Variants in NAV1 observed in about 807,000 individuals in gnomAD.
NAV1 encodes pore membrane and/or filament interacting like protein 3.
Under a neutral mutation model 175.2 loss-of-function variants are expected in NAV1, and 18 were observed. The ratio of observed to expected loss-of-function variants is 0.10; its 90% confidence interval spans 0.07 to 0.15. The LOEUF (loss-of-function observed/expected upper bound fraction) is 0.15, where lower values mean the gene tolerates loss of function less well. Among genes scored for constraint, NAV1 ranks in the 10% least tolerant of loss-of-function variants. The probability of loss-of-function intolerance (pLI) is 1.00; values close to 1 mark genes in which losing one functional copy is unlikely to be tolerated. For missense variants in NAV1, 1,731 were observed against 2,436.6 expected, an observed-to-expected ratio of 0.71 and a Z score of 6.10; for synonymous variants, 897 against 978.7, an observed-to-expected ratio of 0.92 and a Z score of 1.56.
At chr1:201,590,627 C>G (rs931379547) in intron 2 of NAV1, among the ~76,000 whole-genome samples, 2 of 152,224 alleles carry the variant, frequency 1.3e-5, no homozygotes, top group African/African-American at 4.8e-5. Context: ...CCAGGCCCAG[C>G]TGAGGAAGGG....
chr1:201,775,587 G>A (rs759719567), intron 3 of NAV1, among the ~76,000 whole-genome samples: 41 of 152,078 alleles, frequency 2.7e-4, no homozygotes, highest in Non-Finnish European at 5.6e-4. Flanking sequence ...ACGAAGTCCC[G>A]CCAGTACAAA....
chr1:201,654,243 A>C (rs999816941), intron 1 of NAV1, among the ~76,000 whole-genome samples: 2 of 152,200 alleles, frequency 1.3e-5, no homozygotes, highest in Non-Finnish European at 2.9e-5. Flanking sequence ...CTCTAACCCC[A>C]GGCCACAGGC....
rs115431615 is a variant in NAV1, at chr1:201,684,293, T to C, written c.758-28524T>C. 3.9e-3 allele frequency among the ~76,000 whole-genome samples: 592 copies of C among 152,198 alleles called. 5 individuals carry two copies. Among genetic ancestry groups the C allele is most frequent in the African/African-American group, 0.014 (579 of 41,518 alleles). On this transcript the variant is annotated intron_variant, in intron 1 of 29. Coordinates refer to ENST00000367296, the Ensembl canonical transcript of NAV1. Reference sequence around the variant, plus strand: ...TGCCTATTGCTATCACTGTGGTGCATAGACCTAGGAATATATGTGTTTATA... The same window carrying C: ...TGCCTATTGCTATCACTGTGGTGCACAGACCTAGGAATATATGTGTTTATA...
intron 1 of NAV1, among the ~76,000 whole-genome samples, chr1:201,555,543 A>G (rs1224679624): frequency 6.6e-6 from 1 of 152,040 alleles, no homozygotes; most frequent in Non-Finnish European, 1.5e-5. Context: ...GGGGATCAGA[A>G]GCTTCCTCTA....
chr1:201,782,889 G>T lies in NAV1; in HGVS notation c.2357+20G>T. The T allele has an allele frequency of 2.6e-6, 4 of 1,541,074 alleles. No homozygotes were observed. Among genetic ancestry groups the T allele is most frequent in the Non-Finnish European group, 3.5e-6 (4 of 1,143,466 alleles). ...TCTCAGGTACCCAATGTGGGCAGCC[G>T]CCTCCTTGTCTGTTTGCTTTGTCAT... is the stretch of plus-strand genomic sequence containing the variant. On this transcript the variant is annotated intron_variant, in intron 6 of 29. Coordinates refer to ENST00000367296, the Ensembl canonical transcript of NAV1. This position sits in a 1 kb window ranked among gnomAD's most constrained non-coding sequence, Gnocchi z 5.4.
At chr1:201,707,508 G>A (rs781161060) in intron 1 of NAV1, among the ~76,000 whole-genome samples, 24 of 152,236 alleles carry the variant, frequency 1.6e-4, no homozygotes, top group Non-Finnish European at 2.5e-4. Context: ...GAAGGGGGCA[G>A]TACCAGGACC....
intron 1 of NAV1, among the ~76,000 whole-genome samples, chr1:201,696,893 C>T (rs542473199): frequency 6.6e-5 from 10 of 152,328 alleles, no homozygotes; most frequent in African/African-American, 1.7e-4. Flanking sequence ...ATTCGTGTTT[C>T]GCACCATGCC....
intron 1 of NAV1, among the ~76,000 whole-genome samples, chr1:201,704,320 T>A (rs560935): frequency 6.6e-6 from 1 of 152,212 alleles, no homozygotes; most frequent in Non-Finnish European, 1.5e-5. Flanking sequence ...CGAGACGCTG[T>A]CCACCTCGCT....
At chr1:201,602,651 GTTT>G (rs375268009) in intron 2 of NAV1, among the ~76,000 whole-genome samples, 1 of 112,752 alleles carries the variant, frequency 8.9e-6, no homozygotes, top group Admixed American at 9.4e-5. Context: ...TTTTTTTTTG[GTTT>G]TTTTTTTTTT....
At chr1:201,700,282 A>G (rs1671358918) in intron 1 of NAV1, among the ~76,000 whole-genome samples, 1 of 152,244 alleles carries the variant, frequency 6.6e-6, no homozygotes, top group Non-Finnish European at 1.5e-5. Flanking sequence ...AAAGGATATG[A>G]ACAGACACTT....
At chr1:201,713,626 G>A (rs1672004645) in intron 2 of NAV1, among the ~76,000 whole-genome samples, 1 of 152,224 alleles carries the variant, frequency 6.6e-6, no homozygotes, top group African/African-American at 2.4e-5. Context: ...ATGAGCTCAT[G>A]CTGTCAGCTC....
rs377039916 is a variant in NAV1, at chr1:201,804,579, T to TAAA, written c.3648+103_3648+105dup. 667 of 356,782 alleles carry TAAA rather than the reference T, an allele frequency of 1.9e-3. 2 individuals are homozygous for TAAA. The highest frequency in any genetic ancestry group is 5.4e-3 in the African/African-American group (146 of 27,090). The allele number at this position is 356,782 out of a possible 1,614,324, so 22.1% of individuals were successfully genotyped here. On this transcript the variant is annotated intron_variant, in intron 17 of 29. Coordinates refer to ENST00000367296, the Ensembl canonical transcript of NAV1. ...TATTTCCAGAGCAACTCCCTTCCCC[T>TAAA]AAAAAAAAAAAAAAAAAAAAAAATG...
intron 1 of NAV1, among the ~76,000 whole-genome samples, chr1:201,708,274 G>A (rs935137879): frequency 6.6e-6 from 1 of 152,108 alleles, no homozygotes; most frequent in Non-Finnish European, 1.5e-5. Context: ...TCTGTTCTGA[G>A]CCTGAGTAGC....
At chr1:201,796,777 G>C (rs973021216) in intron 15 of NAV1, 1 of 152,142 alleles carries the variant, frequency 6.6e-6, no homozygotes, top group Non-Finnish European at 1.5e-5. Context: ...TTTGCTATTT[G>C]TATGTCTTTA....
intron 3 of NAV1, among the ~76,000 whole-genome samples, chr1:201,736,909 C>G (rs2102540264): frequency 6.6e-6 from 1 of 152,110 alleles, no homozygotes; most frequent in Admixed American, 6.5e-5. Flanking sequence ...TACCATGTGT[C>G]CCTCCGCTGC....
Position 201,782,287 on chromosome 1 carries a change from C to T in NAV1, c.1775C>T (p.Pro592Leu). The stretch of plus-strand genomic sequence containing the variant: ...GACCGCCTGAGTGATGCTAAGAAGC[C>T]CCCCTCGGGCATTGCTCGCCCCTCC... The change falls in exon 6 of 30, where the codon CCC becomes CTC. Residue 592 changes from proline to leucine, a missense_variant. This residue lies in a region of NAV1 where 634 missense variants were observed against 766.8 expected (regional missense o/e 0.83). Transcript: ENST00000367296. The surrounding 1 kb of genome is among the most constrained non-coding windows in gnomAD (Gnocchi z 5.4). The T allele has an allele frequency of 6.2e-7, 1 of 1,614,164 alleles. No individual in the cohort carries two copies. Among genetic ancestry groups the T allele is most frequent in the Middle Eastern group, 1.6e-4 (1 of 6,062 alleles).
rs749357939 is a variant in NAV1 at position 201,577,865 on chromosome 1, T to C, written c.-143-10674T>C. Among the ~76,000 whole-genome samples the C allele has an allele frequency of 9.2e-5, 14 of 152,216 alleles. 1 individual carries two copies. The highest frequency in any genetic ancestry group is 2.1e-4 in the Non-Finnish European group (14 of 68,036). On this transcript the variant is annotated intron_variant, in intron 1 of 33. Coordinates refer to the NAV1 transcript ENST00000685211. The stretch of plus-strand genomic sequence containing the variant: ...CCGTGGTTTCCAATGAGAAATCTAC[T>C]GTCATTTGAACCCTTTCCACCTGTA...
intron 3 of NAV1, among the ~76,000 whole-genome samples, chr1:201,745,679 A>G (rs2102575200): frequency 6.6e-6 from 1 of 152,308 alleles, no homozygotes; most frequent in East Asian, 1.9e-4. Flanking sequence ...CTGGCTGGCT[A>G]TACAGCCACT....
At chr1:201,542,123 C>T (rs1006324241) in intron 1 of NAV1, among the ~76,000 whole-genome samples, 4 of 152,216 alleles carry the variant, frequency 2.6e-5, no homozygotes, top group African/African-American at 9.7e-5. Context: ...CTCAGAGCTA[C>T]ACAACTGGGG....
Sources: allele counts gnomAD v4.1 joint callset (sites outside exome capture counted in the v4.1 genomes callset), GRCh38; gene constraint gnomAD v4.1.1; regional missense constraint gnomAD v4.1.1; non-coding constraint Gnocchi (gnomAD v3.1); transcripts MANE v1.5; gene names NCBI Gene and HGNC (gene_info 2026-07-23, HGNC 2026-07-21).